Variants in SLC16A12 observed in about 807,000 individuals in gnomAD.
SLC16A12 encodes solute carrier family 16 member 12.
Under a neutral mutation model 42.4 loss-of-function variants are expected in SLC16A12, and 17 were observed. The observed-to-expected ratio is 0.40, with a 90% confidence interval of 0.27 to 0.60. SLC16A12 has a LOEUF of 0.60. SLC16A12 is among the 20% of genes least tolerant of loss of function. The pLI, the probability that SLC16A12 is intolerant of heterozygous loss-of-function variation, is 0.42. For synonymous variants in SLC16A12, 224 were observed against 229.4 expected, an observed-to-expected ratio of 0.98 and a Z score of 0.21; for missense variants, 544 against 623.0, an observed-to-expected ratio of 0.87 and a Z score of 1.35.
intron 7 of SLC16A12, among the ~76,000 whole-genome samples, chr10:89,435,519 A>G (rs1252509930): frequency 6.6e-6 from 1 of 152,140 alleles, no homozygotes. Flanking sequence ...CTCTCTCCTA[A>G]GTTACTAGAT....
At chr10:89,529,443 T>G (rs1363890681) in intron 2 of SLC16A12, among the ~76,000 whole-genome samples, 1 of 152,096 alleles carries the variant, frequency 6.6e-6, no homozygotes, top group Non-Finnish European at 1.5e-5. Context: ...CTACTTTGTT[T>G]ACATATATGA....
chr10:89,531,672 G>A (rs1589731559), intron 2 of SLC16A12, among the ~76,000 whole-genome samples: 1 of 152,152 alleles, frequency 6.6e-6, no homozygotes, highest in South Asian at 2.1e-4. Flanking sequence ...GCAGAGAGGT[G>A]ATAAGTGTCT....
intron 2 of SLC16A12, among the ~76,000 whole-genome samples, chr10:89,477,718 G>T (rs193111268): frequency 6.6e-6 from 1 of 152,098 alleles, no homozygotes; most frequent in African/African-American, 2.4e-5. Flanking sequence ...ATTTTCTTAT[G>T]AATCACTAAG....
At chr10:89,550,427 G>A (rs1249951096) in intron 2 of SLC16A12, among the ~76,000 whole-genome samples, 10 of 152,152 alleles carry the variant, frequency 6.6e-5, no homozygotes, top group Non-Finnish European at 1.2e-4. Context: ...GCTGAGACAG[G>A]AGAATCACTT....
At chr10:89,516,698 T>C (rs563990624) in intron 2 of SLC16A12, among the ~76,000 whole-genome samples, 1 of 152,340 alleles carries the variant, frequency 6.6e-6, no homozygotes, top group African/African-American at 2.4e-5. Context: ...TTTGATCCCC[T>C]GATGTCACCT....
chr10:89,514,336 G>T (rs1843211718), intron 2 of SLC16A12, among the ~76,000 whole-genome samples: 1 of 152,214 alleles, frequency 6.6e-6, no homozygotes, highest in Non-Finnish European at 1.5e-5. Flanking sequence ...AGAAAGAAAT[G>T]ATACTATCAG....
chr10:89,462,263 A>G, intron 3 of SLC16A12, 116 bp downstream of exon 3: 2 of 1,417,378 alleles, frequency 1.4e-6, no homozygotes, highest in Middle Eastern at 3.5e-4. Context: ...ATACACACAC[A>G]CCACATGAAC....
intron 2 of SLC16A12, among the ~76,000 whole-genome samples, chr10:89,466,381 A>T (rs1392266246): frequency 6.6e-6 from 1 of 152,182 alleles, no homozygotes; most frequent in Non-Finnish European, 1.5e-5. Flanking sequence ...TGAGGCTCAC[A>T]TCCTAGTGGG....
At chr10:89,545,989 C>T (rs933392011) in intron 2 of SLC16A12, among the ~76,000 whole-genome samples, 8 of 152,166 alleles carry the variant, frequency 5.3e-5, no homozygotes, top group South Asian at 2.1e-4. Flanking sequence ...GCTAGCCATA[C>T]GCAGAAAACT....
chr10:89,530,754 C>T (rs1010689803), intron 2 of SLC16A12, among the ~76,000 whole-genome samples: 7 of 152,238 alleles, frequency 4.6e-5, no homozygotes, highest in South Asian at 2.1e-4. Flanking sequence ...TGTGCAACCA[C>T]CACCCCATTA....
intron 2 of SLC16A12, among the ~76,000 whole-genome samples, chr10:89,475,370 C>CCT (rs547413689): frequency 2.6e-5 from 4 of 152,100 alleles, no homozygotes; most frequent in Non-Finnish European, 5.9e-5. Flanking sequence ...TTAAGAAACC[C>CCT]CTCTCTCTCT....
chr10:89,506,538 A>G (rs1843064276), intron 2 of SLC16A12, among the ~76,000 whole-genome samples: 1 of 152,204 alleles, frequency 6.6e-6, no homozygotes, highest in East Asian at 1.9e-4. Flanking sequence ...ACATCAATAA[A>G]AAGGACATCC....
intron 2 of SLC16A12, among the ~76,000 whole-genome samples, chr10:89,554,103 G>GAAA (rs1843792216): frequency 9.7e-6 from 1 of 103,138 alleles, no homozygotes; most frequent in African/African-American, 4.1e-5. Flanking sequence ...AAAGAAAGAA[G>GAAA]GAAGGAAGGA....
chr10:89,541,983 G>A (rs1843718308), intron 2 of SLC16A12, among the ~76,000 whole-genome samples: 1 of 152,102 alleles, frequency 6.6e-6, no homozygotes, highest in Non-Finnish European at 1.5e-5. Flanking sequence ...GAAATTTATT[G>A]ATATTTTTTT....
intron 2 of SLC16A12, among the ~76,000 whole-genome samples, chr10:89,482,718 G>C (rs1842685375): frequency 6.6e-6 from 1 of 151,770 alleles, no homozygotes; most frequent in South Asian, 2.1e-4. Context: ...GTGAGGTAGA[G>C]GTTGCAATGA....
intron 6 of SLC16A12, among the ~76,000 whole-genome samples, chr10:89,436,866 GAA>G (rs201137521): frequency 0.028 from 2,091 of 75,976 alleles, 49 homozygotes; most frequent in African/African-American, 0.11. Flanking sequence ...AAGAAATAAA[GAA>G]AAAGAAAGAA....
At chr10:89,454,679 C>T (rs1216692345) in intron 3 of SLC16A12, among the ~76,000 whole-genome samples, 1 of 151,856 alleles carries the variant, frequency 6.6e-6, no homozygotes, top group Non-Finnish European at 1.5e-5. Flanking sequence ...CATGCTCTCC[C>T]AACCTCCCAC....
intron 6 of SLC16A12, among the ~76,000 whole-genome samples, chr10:89,437,483 G>A (rs1227334796): frequency 6.6e-6 from 1 of 151,866 alleles, no homozygotes; most frequent in Non-Finnish European, 1.5e-5. Flanking sequence ...ACTTTCTGTA[G>A]GTCACAGGGT....
intron 3 of SLC16A12, among the ~76,000 whole-genome samples, chr10:89,444,949 C>T (rs906251691): frequency 6.6e-6 from 1 of 152,250 alleles, no homozygotes; most frequent in African/African-American, 2.4e-5. Context: ...AGATTTTATC[C>T]TGTGCCTAGC....
Sources: allele counts gnomAD v4.1 joint callset (sites outside exome capture counted in the v4.1 genomes callset), GRCh38; gene constraint gnomAD v4.1.1; transcripts MANE v1.5; gene names NCBI Gene and HGNC (gene_info 2026-07-23, HGNC 2026-07-21).